Variants in HS3ST4 observed in about 807,000 individuals in gnomAD.
HS3ST4 encodes the protein heparan sulfate glucosamine 3-O-sulfotransferase 4.
In HS3ST4, 17 loss-of-function variants were observed where a neutral mutation model predicts 29.2. The observed-to-expected ratio is 0.58, with a 90% confidence interval of 0.40 to 0.87. The LOEUF is 0.87. Among genes scored for constraint, HS3ST4 ranks in the 40% least tolerant of loss-of-function variants. HS3ST4 has a pLI of 0.00. For synonymous variants in HS3ST4, 314 were observed against 285.7 expected, an observed-to-expected ratio of 1.10 and a Z score of -1.00; for missense variants, 627 against 634.5, an observed-to-expected ratio of 0.99 and a Z score of 0.13.
At chr16:26,029,338 A>G (rs1567297269) in intron 1 of HS3ST4, among the ~76,000 whole-genome samples, 2 of 152,102 alleles carry the variant, frequency 1.3e-5, no homozygotes, top group Admixed American at 6.5e-5. Flanking sequence ...ACTTGGTTTA[A>G]TGGTCCGCTA....
chr16:25,843,573 C>G (rs1967436912), intron 1 of HS3ST4, among the ~76,000 whole-genome samples: 1 of 152,132 alleles, frequency 6.6e-6, no homozygotes. Flanking sequence ...AGGCATGGTT[C>G]ATTGCAGGGA....
chr16:25,781,649 A>G (rs972255034), intron 1 of HS3ST4, among the ~76,000 whole-genome samples: 6 of 152,154 alleles, frequency 3.9e-5, no homozygotes, highest in Non-Finnish European at 7.3e-5. Flanking sequence ...TTGAATATCT[A>G]TGTAACTTAC....
chr16:26,068,605 C>T (rs1005046116), intron 1 of HS3ST4, among the ~76,000 whole-genome samples: 3 of 152,150 alleles, frequency 2.0e-5, no homozygotes, highest in African/African-American at 7.2e-5. Flanking sequence ...ATGAACATTT[C>T]AGGTAATTTC....
intron 1 of HS3ST4, among the ~76,000 whole-genome samples, chr16:25,984,827 C>T (rs116154918): frequency 6.6e-6 from 1 of 152,148 alleles, no homozygotes; most frequent in Admixed American, 6.5e-5. Flanking sequence ...TATCTTTAGT[C>T]CTGCAGTGGT....
chr16:26,064,196 A>G (rs1371603444), intron 1 of HS3ST4, among the ~76,000 whole-genome samples: 1 of 152,220 alleles, frequency 6.6e-6, no homozygotes, highest in Non-Finnish European at 1.5e-5. Context: ...TAGATGTCAT[A>G]CAGGAGGGAA....
intron 1 of HS3ST4, among the ~76,000 whole-genome samples, chr16:25,940,509 G>GA (rs1968562237): frequency 6.6e-6 from 1 of 152,218 alleles, no homozygotes; most frequent in Admixed American, 6.5e-5. Flanking sequence ...GGGATTTGCA[G>GA]AATGAACCAG....
chr16:25,971,558 G>A (rs781329539), intron 1 of HS3ST4, among the ~76,000 whole-genome samples: 33 of 152,102 alleles, frequency 2.2e-4, no homozygotes, highest in Non-Finnish European at 3.4e-4. Flanking sequence ...CTTCAGTGAG[G>A]GAAGAGAGAA....
At chr16:26,031,959 C>A (rs1247704283) in intron 1 of HS3ST4, among the ~76,000 whole-genome samples, 2 of 152,202 alleles carry the variant, frequency 1.3e-5, no homozygotes, top group Non-Finnish European at 2.9e-5. Flanking sequence ...TGTTTAACAA[C>A]TTTTCACAAG....
Position 26,010,441 on chromosome 16 carries a change from G to A in HS3ST4, c.735-125171G>A, listed in dbSNP as rs1028413258. ...TGCACTCTAGCCTGGGAGACAGAGT[G>A]AGACTCCATCTCAAAAAAAGAAAAA... On this transcript the variant is annotated intron_variant, in intron 1 of 1. Coordinates refer to ENST00000331351, the MANE Select transcript of HS3ST4 (RefSeq NM_006040.3). 5.4e-4 allele frequency among the ~76,000 whole-genome samples: 82 copies of A among 150,690 alleles called. 1 individual carries two copies. The highest frequency in any genetic ancestry group is 6.6e-5 in the Admixed American group (1 of 15,144).
intron 1 of HS3ST4, chr16:25,826,213 G>C (rs1415655653): frequency 6.6e-6 from 1 of 152,176 alleles, no homozygotes; most frequent in African/African-American, 2.4e-5. Context: ...TTCTGCTACA[G>C]AATTTCCTTC....
intron 1 of HS3ST4, among the ~76,000 whole-genome samples, chr16:25,906,234 T>C (rs1027853996): frequency 6.6e-6 from 1 of 152,192 alleles, no homozygotes; most frequent in African/African-American, 2.4e-5. Context: ...TCTCACTTTT[T>C]CACTTTTAAT....
intron 1 of HS3ST4, among the ~76,000 whole-genome samples, chr16:25,864,334 T>A (rs1038061384): frequency 3.9e-5 from 6 of 152,192 alleles, no homozygotes. Context: ...ATCTATACTT[T>A]TAACAACTTT....
At chr16:25,759,143 A>G (rs566936391) in intron 1 of HS3ST4, among the ~76,000 whole-genome samples, 3 of 152,308 alleles carry the variant, frequency 2.0e-5, no homozygotes, top group Non-Finnish European at 4.4e-5. Context: ...TAGAATAGGA[A>G]TGGAGGGGCT....
At chr16:26,085,910 T>TAAC (rs1555483170) in intron 1 of HS3ST4, among the ~76,000 whole-genome samples, 4 of 147,964 alleles carry the variant, frequency 2.7e-5, no homozygotes, top group Admixed American at 6.9e-5. Flanking sequence ...ATAATAATAA[T>TAAC]AACAATAATA....
At chr16:25,963,886 C>G (rs967553492) in intron 1 of HS3ST4, among the ~76,000 whole-genome samples, 1 of 152,072 alleles carries the variant, frequency 6.6e-6, no homozygotes, top group African/African-American at 2.4e-5. Flanking sequence ...TAAAAAGTCC[C>G]TAAGGCTGGG....
intron 1 of HS3ST4, among the ~76,000 whole-genome samples, chr16:26,064,809 G>A (rs961590310): frequency 1.3e-5 from 2 of 151,938 alleles, no homozygotes; most frequent in South Asian, 2.1e-4. Flanking sequence ...TGGAGACGAG[G>A]TTTCCCCATG....
chr16:25,724,727 T>A (rs761962580), intron 1 of HS3ST4, among the ~76,000 whole-genome samples: 15 of 151,858 alleles, frequency 9.9e-5, no homozygotes, highest in South Asian at 6.2e-4. Flanking sequence ...GAACCCGAAG[T>A]AGAGCTGGCT....
chr16:25,709,353 C>T lies in HS3ST4; in HGVS notation c.734+16202C>T, dbSNP rs182326006. On this transcript the variant is annotated intron_variant, in intron 1 of 1. Transcript: ENST00000331351. The stretch of plus-strand genomic sequence containing the variant: ...TCCATCAAGCGGTTTCTGTTGCCAG[C>T]GGGGTGTGAGGCTTGAGGCACTGCC... Among the ~76,000 whole-genome samples, 118 of 152,186 alleles carry T rather than the reference C, an allele frequency of 7.8e-4. 1 individual carries two copies. The highest frequency in any genetic ancestry group is 4.4e-3 in the Admixed American group (67 of 15,292).
chr16:25,704,364 TG>T (rs1393900160), intron 1 of HS3ST4, among the ~76,000 whole-genome samples: 1 of 152,154 alleles, frequency 6.6e-6, no homozygotes, highest in African/African-American at 2.4e-5. Context: ...AGTGGCCTCA[TG>T]AAGTAGATGT....
Sources: allele counts gnomAD v4.1 joint callset (sites outside exome capture counted in the v4.1 genomes callset), GRCh38; gene constraint gnomAD v4.1.1; transcripts MANE v1.5; gene names NCBI Gene and HGNC (gene_info 2026-07-23, HGNC 2026-07-21).